MUC3A: variants seen among roughly 807,000 people sequenced by gnomAD.
MUC3A encodes mucin 3A, cell surface associated.
MUC3A carries 109 observed loss-of-function variants against 109.0 expected under a neutral mutation model. The observed-to-expected ratio is 1.00, with a 90% CI of 0.86 to 1.17. MUC3A has a LOEUF of 1.17. Ranked by LOEUF, MUC3A falls within the 50% of genes most tolerant of loss-of-function variation. MUC3A has a pLI of 0.00. For missense variants in MUC3A, 3,537 were observed against 2,469.4 expected (o/e 1.43, Z -9.16); for synonymous variants, 1,398 against 981.4 (o/e 1.42, Z -7.93).
In MUC3A at chr7:100,958,150, C is replaced by G; in HGVS notation, c.6371C>G (p.Thr2124Ser). 1 of 1,299,252 alleles carries G rather than the reference C, an allele frequency of 7.7e-7. No individual in the cohort carries two copies. Among genetic ancestry groups the G allele is most frequent in the South Asian group, 1.2e-5 (1 of 84,140 alleles). The allele number at this position is 1,299,252 out of a possible 1,614,324, so 80.5% of individuals were successfully genotyped here. A position where few individuals can be genotyped will look rare whatever the true frequency, so the allele number is the denominator to read the frequency against. Residue 2124 changes from threonine (T) to serine (S), a missense_variant, in exon 2 of 12, where the codon ACT becomes AGT. Transcript: ENST00000379458. ...ACCTCTGAGATGCCCTCACACAGTA[C>G]TCCCAGCTTCACTTCTTCGATCACC... is the stretch of plus-strand genomic sequence containing the variant. ...ITTSEMPSHS[T>S]PSFTSSITTT...
At position 100,960,780 on chromosome 7, in the gene MUC3A, A is replaced by G. The variant is rs1487006316; in HGVS notation, c.8895A>G (p.Glu2965=). The change falls in exon 3 of 12, where the codon GAA becomes GAG. Residue 2965 remains glutamate, a synonymous_variant. Transcript: ENST00000379458. The part of the protein sequence containing the change: ...AGTCDNGGTW[E]QGQCACLPGF... ...CCTGTGACAATGGTGGCACCTGGGA[A>G]CAGGGCCAGTGTGCTTGCCTTCCGG... 3 of 1,598,344 alleles carry G rather than the reference A, an allele frequency of 1.9e-6. No individual in the cohort carries two copies. The highest frequency in any genetic ancestry group is 2.5e-6 in the Non-Finnish European group (3 of 1,179,730).
chr7:100,966,901 A>C lies in MUC3A; in HGVS notation c.9880A>C (p.Lys3294Gln), dbSNP rs1416793962. Reference sequence around the variant, plus strand: ...TCTCCGCTCCTCTCTCTCTCTAGACAAGGATACAAATTTCTATGTGGCCTT... The same window carrying C: ...TCTCCGCTCCTCTCTCTCTCTAGACCAGGATACAAATTTCTATGTGGCCTT... ...NWGFEDDGTD[K>Q]DTNFYVALEN... Residue 3294 changes from lysine (K) to glutamine (Q), a missense_variant and splice_region_variant, in exon 11 of 12, where the codon AAG (lysine) becomes CAG (glutamine). Physicochemically the swap from Lys to Gln is moderately conservative, Grantham distance 53. Transcript: ENST00000379458. 2 of 1,598,530 alleles carry C rather than the reference A, an allele frequency of 1.3e-6. No individual in the cohort carries two copies. The highest frequency in any genetic ancestry group is 2.2e-5 in the South Asian group (2 of 91,092).
chr7:100,953,948 G>C lies in MUC3A; in HGVS notation c.2169G>C (p.Thr723=). 2.3e-6 allele frequency: 1 copy of C among 442,672 alleles called. No homozygotes were observed. Among genetic ancestry groups the C allele is most frequent in the Non-Finnish European group, 4.0e-6 (1 of 252,878 alleles). 27.4% of individuals were successfully genotyped at this position (442,672 alleles called of 1,614,324 possible). A position where few individuals can be genotyped will look rare whatever the true frequency, so the allele number is the denominator to read the frequency against. ...CGACTGGTCCTGGTACAAACTCCAC[G>C]ACGGAAATCACCTATCCCACCACTA... is the stretch of plus-strand genomic sequence containing the variant. ...NSPTGPGTNS[T]TEITYPTTMT... is the part of the protein sequence containing the mutation. Residue 723 remains threonine (T), a synonymous_variant, in exon 2 of 12, where the codon ACG becomes ACC. Transcript: ENST00000379458.
intron 2 of MUC3A, 25 bp downstream of exon 2, chr7:100,960,670 C>T (rs1792295989): frequency 6.3e-7 from 1 of 1,593,582 alleles, no homozygotes; most frequent in East Asian, 2.2e-5. Context: ...CTCTCTGTTC[C>T]CCTCCTTCCT....
At position 100,953,458 on chromosome 7, in the gene MUC3A, G is replaced by A. The variant is rs1792025317; in HGVS notation, c.1679G>A (p.Ser560Asn). ...ATCTCCTCACCTCCAGCCAGCACCA[G>A]TACACTCCACACAACAGCTGAATCC... ...ESISSPPAST[S>N]TLHTTAESTL... Residue 560 changes from serine (S) to asparagine (N), a missense_variant, in exon 2 of 12, where the codon AGT becomes AAT. Coordinates refer to ENST00000379458, the MANE Select transcript of MUC3A (RefSeq NM_005960.2). The A allele has an allele frequency of 1.0e-5, 5 of 496,546 alleles. No individual in the cohort carries two copies. Among genetic ancestry groups the A allele is most frequent in the African/African-American group, 3.9e-5 (2 of 50,788 alleles). The allele number at this position is 496,546 out of a possible 1,614,324, so 30.8% of individuals were successfully genotyped here. A position where few individuals can be genotyped will look rare whatever the true frequency, so the allele number is the denominator to read the frequency against.
At position 100,959,519 on chromosome 7, in the gene MUC3A, C is replaced by A. The variant is rs768522500; in HGVS notation, c.7740C>A (p.Thr2580=). The A allele has an allele frequency of 3.9e-5, 61 of 1,583,598 alleles. No individual in the cohort carries two copies. The highest frequency in any genetic ancestry group is 2.3e-5 in the Non-Finnish European group (27 of 1,173,858). ...IVVIPETPTQ[T]PPVLTSATGT... ...TTATACCTGAAACCCCAACACAGAC[C>A]CCTCCTGTACTGACGTCAGCCACTG... The change falls in exon 2 of 12, where the codon ACC becomes ACA. Residue 2580 remains threonine, a synonymous_variant. Transcript: ENST00000379458.
In MUC3A at chr7:100,965,764, C is replaced by A; in HGVS notation, c.9509C>A (p.Ala3170Asp). Residue 3170 changes from alanine (A) to aspartate (D), a missense_variant, in exon 8 of 12, where the codon GCC (alanine) becomes GAC (aspartate). Transcript: ENST00000379458. ...GAGTTCTACTTCCCCTTGGTGGAGG[C>A]CACCCGGCTCCGCTGTGTCACCAAA... ...YEEFYFPLVE[A>D]TRLRCVTKCT... 1.3e-6 allele frequency: 2 copies of A among 1,598,460 alleles called. No homozygotes were observed. Among genetic ancestry groups the A allele is most frequent in the Non-Finnish European group, 8.5e-7 (1 of 1,179,784 alleles).
intron 7 of MUC3A, 120 bp downstream of exon 7, chr7:100,965,467 C>A: frequency 6.7e-7 from 1 of 1,498,272 alleles, no homozygotes; most frequent in Non-Finnish European, 9.0e-7. Context: ...GTCATGTGGC[C>A]CAGGGCGGCC....
In MUC3A at chr7:100,960,347, C is replaced by G; in HGVS notation, c.8568C>G (p.Pro2856=). 1 of 1,598,550 alleles carries G rather than the reference C, an allele frequency of 6.3e-7. No individual in the cohort carries two copies. The highest frequency in any genetic ancestry group is 8.5e-7 in the Non-Finnish European group (1 of 1,179,828). Residue 2856 remains proline (P), a synonymous_variant, in exon 2 of 12, where the codon CCC becomes CCG. Transcript: ENST00000379458. ...ASSSTGTGTV[P]TNTVFTSTRL... is the part of the protein sequence containing the mutation. ...GTTCCACTGGCACTGGGACTGTACCCACAAACACAGTTTTCACAAGTACTC... is the reference window on the plus strand; with the variant it reads ...GTTCCACTGGCACTGGGACTGTACCGACAAACACAGTTTTCACAAGTACTC...
Position 100,963,744 on chromosome 7 carries a change from G to C in MUC3A, c.9225G>C (p.Leu3075=). The C allele has an allele frequency of 6.3e-7, 1 of 1,598,572 alleles. No homozygotes were observed. The highest frequency in any genetic ancestry group is 8.5e-7 in the Non-Finnish European group (1 of 1,179,832). The change falls in exon 5 of 12, where the codon CTG becomes CTC. Residue 3075 remains leucine, a synonymous_variant. Transcript: ENST00000379458. The part of the protein sequence containing the change: ...QGFTFKGVEI[L]SLRNGSIVVD... ...TCACCTTCAAGGGTGTGGAGATCCTGTCCCTGAGGTAGGAGACCCATCTGG... is the reference window on the plus strand; with the variant it reads ...TCACCTTCAAGGGTGTGGAGATCCTCTCCCTGAGGTAGGAGACCCATCTGG...
intron 3 of MUC3A, among the ~76,000 whole-genome samples, chr7:100,962,275 G>A (rs1290251669): frequency 6.7e-6 from 1 of 149,886 alleles, no homozygotes; most frequent in African/African-American, 2.5e-5. Context: ...AAACTTACCT[G>A]GGCATGGTGG....
At chr7:100,965,518 G>C (rs1792502252) in intron 7 of MUC3A, 171 bp downstream of exon 7, 1 of 1,415,684 alleles carries the variant, frequency 7.1e-7, no homozygotes. Context: ...GAGGACAGCA[G>C]GGGCCACGAG....
At position 100,960,147 on chromosome 7, in the gene MUC3A, G is replaced by A; in HGVS notation, c.8368G>A (p.Asp2790Asn). ...CCCCACTGATCCATGTGTTGAAATG[G>A]ATCCCAGCACTGAAGCTACTTCTCC... ...ASPTDPCVEM[D>N]PSTEATSPPT... Residue 2790 changes from aspartate to asparagine, a missense_variant, in exon 2 of 12, where the codon GAT becomes AAT. Asp to Asn is a conservative substitution (Grantham distance 23). Coordinates refer to ENST00000379458, the MANE Select transcript of MUC3A (RefSeq NM_005960.2). 1 of 1,557,010 alleles carries A rather than the reference G, an allele frequency of 6.4e-7. No individual in the cohort carries two copies. Among genetic ancestry groups the A allele is most frequent in the Non-Finnish European group, 8.6e-7 (1 of 1,157,492 alleles).
At position 100,960,309 on chromosome 7, in the gene MUC3A, C is replaced by A; in HGVS notation, c.8530C>A (p.Pro2844Thr). The A allele has an allele frequency of 6.3e-7, 1 of 1,598,550 alleles. No individual in the cohort carries two copies. Among genetic ancestry groups the A allele is most frequent in the Non-Finnish European group, 8.5e-7 (1 of 1,179,826 alleles). ...GCCAGAAAGTGAGTCCAGCATCTCA[C>A]CCAATGCTTCCAGTTCCACTGGCAC... ...MMPESESSIS[P>T]NASSSTGTGT... is the part of the protein sequence containing the mutation. The change falls in exon 2 of 12, where the codon CCC (proline) becomes ACC (threonine). Residue 2844 changes from proline (P) to threonine (T), a missense_variant. By Grantham distance (38) the Pro-to-Thr change is conservative. Coordinates refer to ENST00000379458, the MANE Select transcript of MUC3A (RefSeq NM_005960.2).
chr7:100,960,818 A>G lies in MUC3A; in HGVS notation c.8933A>G (p.Asp2978Gly). ...GCTTGCCTTCCGGGGTTTTCTGGGG[A>G]CCGCTGTCAGCTCCAGACCAGATGC... is the stretch of plus-strand genomic sequence containing the variant. Reference protein sequence around the residue: ...QCACLPGFSGDRCQLQTRCQN... With the variant: ...QCACLPGFSGGRCQLQTRCQN... The change falls in exon 3 of 12, where the codon GAC becomes GGC. Residue 2978 changes from aspartate (D) to glycine (G), a missense_variant. Asp to Gly is a moderately conservative substitution (Grantham distance 94). Transcript: ENST00000379458. The G allele has an allele frequency of 6.3e-7, 1 of 1,598,532 alleles. No homozygotes were observed. The highest frequency in any genetic ancestry group is 2.2e-5 in the East Asian group (1 of 44,892).
At chr7:100,961,762 G>A (rs1001230124) in intron 3 of MUC3A, among the ~76,000 whole-genome samples, 2 of 152,312 alleles carry the variant, frequency 1.3e-5, no homozygotes, top group African/African-American at 4.8e-5. Flanking sequence ...GCAGTAAAGC[G>A]AGATTTCGCC....
At chr7:100,963,997 G>T (rs1237853919) in intron 5 of MUC3A, 16 of 637,268 alleles carry the variant, frequency 2.5e-5, no homozygotes, top group Non-Finnish European at 3.8e-5. Flanking sequence ...GTGGGAAGGT[G>T]GTGCCTGGAT....
In MUC3A at chr7:100,957,532, C is replaced by G. The variant is rs1316705251; in HGVS notation, c.5753C>G (p.Ser1918Ter). 3 of 1,568,254 alleles carry G rather than the reference C, an allele frequency of 1.9e-6. No homozygotes were observed. Among genetic ancestry groups the G allele is most frequent in the Non-Finnish European group, 2.6e-6 (3 of 1,166,576 alleles). The change falls in exon 2 of 12, where the codon TCA becomes TGA. Residue 1918 changes from serine (S) to a stop codon, truncating the protein, a stop_gained. Coordinates refer to ENST00000379458, the MANE Select transcript of MUC3A (RefSeq NM_005960.2). LOFTEE classifies it high-confidence loss of function. ...TCAATCGCAACCACCGAGACCCCCT[C>G]ACACAGTACTCCCAGATTCACTTCT... ...TSSIATTETP[S>*]HSTPRFTSSI...
chr7:100,961,129 G>A, intron 3 of MUC3A, 192 bp downstream of exon 3: 2 of 959,748 alleles, frequency 2.1e-6, no homozygotes, highest in Admixed American at 6.1e-5. Flanking sequence ...GGAGGTGGCT[G>A]GGACTACCCT....
Sources: allele counts gnomAD v4.1 joint callset (sites outside exome capture counted in the v4.1 genomes callset), GRCh38; gene constraint gnomAD v4.1.1; transcripts MANE v1.5; gene names NCBI Gene and HGNC (gene_info 2026-07-23, HGNC 2026-07-21).